The following SMIM45 variants were observed in gnomAD, a reference collection of about 807,000 sequenced individuals.
SMIM45 encodes small integral membrane protein 45, also known as long intergenic non-protein coding RNA 634.
chr22:41,956,965 G>A, the SMIM45 span, among the ~76,000 whole-genome samples: 1 of 151,756 alleles, frequency 6.6e-6, no homozygotes, highest in East Asian at 2.0e-4. Flanking sequence ...ATTTTTAGTA[G>A]AGATGGGGTT....
the SMIM45 span, among the ~76,000 whole-genome samples, chr22:41,951,202 T>G: frequency 1.3e-5 from 2 of 152,220 alleles, no homozygotes; most frequent in African/African-American, 4.8e-5. Flanking sequence ...CCTGGAAGCC[T>G]TTTCCCAGCC....
At chr22:41,957,342 C>T in the SMIM45 span, among the ~76,000 whole-genome samples, 1 of 148,820 alleles carries the variant, frequency 6.7e-6, no homozygotes, top group Non-Finnish European at 1.5e-5. Flanking sequence ...TACAGGCATG[C>T]GCCACCACGC....
the SMIM45 span, among the ~76,000 whole-genome samples, chr22:41,953,136 G>T: frequency 6.6e-6 from 1 of 152,198 alleles, no homozygotes; most frequent in Non-Finnish European, 1.5e-5. Context: ...TTAATACAAT[G>T]TCGGTGCCTC....
chr22:41,958,007 G>C, the SMIM45 span: 2 of 138,762 alleles, frequency 1.4e-5, no homozygotes, highest in South Asian at 2.4e-4. Context: ...GGCCCTCCAC[G>C]CTATCCCTCT....
chr22:41,955,182 T>A, the SMIM45 span, among the ~76,000 whole-genome samples: 1 of 133,092 alleles, frequency 7.5e-6, no homozygotes, highest in Non-Finnish European at 1.5e-5. Context: ...TTTTTTATTT[T>A]AATTTTTTTT....
the SMIM45 span, among the ~76,000 whole-genome samples, chr22:41,947,437 G>A: frequency 1.3e-5 from 2 of 150,438 alleles, no homozygotes; most frequent in Admixed American, 6.6e-5. Context: ...GCGCAATCTC[G>A]GCTCACTGCA....
At chr22:41,947,612 G>C in the SMIM45 span, among the ~76,000 whole-genome samples, 2 of 147,950 alleles carry the variant, frequency 1.4e-5, no homozygotes, top group African/African-American at 5.0e-5. Context: ...AAGTGATCCC[G>C]CCTCGGCCTC....
At chr22:41,953,390 C>G in the SMIM45 span, among the ~76,000 whole-genome samples, 1 of 152,124 alleles carries the variant, frequency 6.6e-6, no homozygotes, top group African/African-American at 2.4e-5. Flanking sequence ...TGGGCATCTG[C>G]TCATTTCATC....
chr22:41,952,948 C>T, the SMIM45 span, among the ~76,000 whole-genome samples: 1 of 152,160 alleles, frequency 6.6e-6, no homozygotes, highest in African/African-American at 2.4e-5. Context: ...GCCTGAGGTG[C>T]TCCTTCCCTA....
the SMIM45 span, among the ~76,000 whole-genome samples, chr22:41,951,042 T>G: frequency 6.6e-6 from 1 of 152,202 alleles, no homozygotes; most frequent in Admixed American, 6.5e-5. Context: ...GTCCCACATA[T>G]GCTGGAAAGG....
chr22:41,954,952 C>T, the SMIM45 span, among the ~76,000 whole-genome samples: 1 of 151,970 alleles, frequency 6.6e-6, no homozygotes, highest in Non-Finnish European at 1.5e-5. Flanking sequence ...TGCGGTGAGC[C>T]GAGATCATGC....
the SMIM45 span, chr22:41,946,992 C>CG: frequency 1.9e-6 from 3 of 1,610,924 alleles, no homozygotes; most frequent in Non-Finnish European, 1.7e-6. Context: ...GAAAAACCGG[C>CG]GGGGGAAGCA....
chr22:41,958,044 C>T, the SMIM45 span: 1 of 280,356 alleles, frequency 3.6e-6, no homozygotes, highest in South Asian at 3.1e-5. Context: ...CGACAGAGGC[C>T]CCAGGTGCGC....
the SMIM45 span, chr22:41,958,217 A>G: frequency 4.6e-6 from 2 of 438,634 alleles, no homozygotes; most frequent in Non-Finnish European, 4.6e-6. Context: ...GGACTCAGGC[A>G]TGTCTATGGC....
the SMIM45 span, chr22:41,958,014 C>G: frequency 4.6e-6 from 1 of 219,344 alleles, no homozygotes; most frequent in African/African-American, 2.3e-5. Context: ...CACGCTATCC[C>G]TCTGCAGCCT....
chr22:41,950,729 C>G, the SMIM45 span, among the ~76,000 whole-genome samples: 1 of 152,300 alleles, frequency 6.6e-6, no homozygotes, highest in East Asian at 1.9e-4. Flanking sequence ...GGCGCAGTGG[C>G]TCACGCCTGT....
chr22:41,947,669 C>CTTTT, the SMIM45 span, among the ~76,000 whole-genome samples: 4 of 125,246 alleles, frequency 3.2e-5, no homozygotes, highest in Admixed American at 1.6e-4. Context: ...GTGCCTGGCC[C>CTTTT]TTTTTTTTTT....
the SMIM45 span, among the ~76,000 whole-genome samples, chr22:41,954,263 G>A: frequency 1.4e-5 from 2 of 144,590 alleles, no homozygotes; most frequent in South Asian, 2.2e-4. Flanking sequence ...CTGGAGTGCA[G>A]TGGCACCATC....
At chr22:41,950,038 C>CA in the SMIM45 span, among the ~76,000 whole-genome samples, 1 of 150,610 alleles carries the variant, frequency 6.6e-6, no homozygotes, top group African/African-American at 2.5e-5. Context: ...CTGTGAGAGA[C>CA]GGGGGATTCC....
Sources: gnomAD v4.1 joint callset for allele counts (sites outside exome capture counted in the v4.1 genomes callset) on GRCh38, gnomAD v4.1.1 for gene constraint, MANE v1.5 for transcripts, NCBI Gene and HGNC (gene_info 2026-07-23, HGNC 2026-07-21) for gene names.